Variants in FBXO4 observed in about 807,000 individuals in gnomAD.
The protein encoded by FBXO4 is F-box only protein 4.
FBXO4 carries 36 observed loss-of-function variants against 43.7 expected under a neutral mutation model. That is an observed-to-expected ratio of 0.82 (90% CI 0.63 to 1.09). FBXO4 has a LOEUF of 1.09. Among genes scored for constraint, FBXO4 ranks in the 50% least tolerant of loss-of-function variants. The pLI is 0.00. For synonymous variants in FBXO4, 180 were observed against 165.6 expected (o/e 1.09, Z -0.67); for missense variants, 435 against 474.1 (o/e 0.92, Z 0.77).
the FBXO4 span, among the ~76,000 whole-genome samples, chr5:42,027,321 A>G: frequency 8.2e-6 from 1 of 122,294 alleles, no homozygotes; most frequent in Admixed American, 8.0e-5. Flanking sequence ...AGATTTCCCA[A>G]TTAACTATGA....
the FBXO4 span, among the ~76,000 whole-genome samples, chr5:41,986,292 T>G: frequency 7.2e-5 from 11 of 151,792 alleles, no homozygotes; most frequent in African/African-American, 2.7e-4. Context: ...TTGGCCCCAT[T>G]TACCAAAAAG....
the FBXO4 span, among the ~76,000 whole-genome samples, chr5:41,952,464 A>G: frequency 6.6e-6 from 1 of 152,254 alleles, no homozygotes; most frequent in Non-Finnish European, 1.5e-5. Flanking sequence ...CTTTTTAACA[A>G]TAGTATAACC....
the FBXO4 span, among the ~76,000 whole-genome samples, chr5:42,014,936 G>GA: frequency 6.6e-6 from 1 of 151,956 alleles, no homozygotes; most frequent in Non-Finnish European, 1.5e-5. Context: ...TCATCATAAT[G>GA]AAAAATACAA....
chr5:41,933,154 A>G (rs1462796603), intron 3 of FBXO4, among the ~76,000 whole-genome samples: 1 of 152,188 alleles, frequency 6.6e-6, no homozygotes, highest in Non-Finnish European at 1.5e-5. Context: ...AACTCTGACG[A>G]ATTCTAAATT....
the FBXO4 span, among the ~76,000 whole-genome samples, chr5:42,006,916 A>ATATATATATATG: frequency 7.1e-6 from 1 of 140,908 alleles, no homozygotes; most frequent in Non-Finnish European, 1.5e-5. Context: ...ATATATATAT[A>ATATATATATATG]TGTATATACA....
the FBXO4 span, among the ~76,000 whole-genome samples, chr5:41,946,881 A>G: frequency 6.6e-6 from 1 of 152,222 alleles, no homozygotes; most frequent in Non-Finnish European, 1.5e-5. Flanking sequence ...ACAAAAGCAT[A>G]TGGCTTCTTC....
At chr5:41,997,680 A>C in the FBXO4 span, among the ~76,000 whole-genome samples, 1 of 152,106 alleles carries the variant, frequency 6.6e-6, no homozygotes, top group South Asian at 2.1e-4. Context: ...GGAGGACCAC[A>C]ATGACTTTTA....
chr5:41,997,327 G>T, the FBXO4 span, among the ~76,000 whole-genome samples: 5 of 152,152 alleles, frequency 3.3e-5, no homozygotes, highest in African/African-American at 1.2e-4. Context: ...AATGAGATGT[G>T]GTGAGAATCA....
chr5:41,995,348 T>C, the FBXO4 span, among the ~76,000 whole-genome samples: 1 of 152,196 alleles, frequency 6.6e-6, no homozygotes, highest in East Asian at 1.9e-4. Flanking sequence ...CTTTCTATGA[T>C]GGAAGAGGTC....
the FBXO4 span, among the ~76,000 whole-genome samples, chr5:41,980,119 T>A: frequency 6.6e-6 from 1 of 152,124 alleles, no homozygotes; most frequent in Non-Finnish European, 1.5e-5. Context: ...TCCAGTCTTT[T>A]TAGGGAACGA....
the FBXO4 span, among the ~76,000 whole-genome samples, chr5:42,033,797 G>A: frequency 2.0e-5 from 3 of 152,034 alleles, no homozygotes; most frequent in African/African-American, 7.2e-5. Flanking sequence ...CATTTGGGTT[G>A]GTCATGTCTT....
chr5:42,008,662 C>T, the FBXO4 span, among the ~76,000 whole-genome samples: 4 of 151,996 alleles, frequency 2.6e-5, no homozygotes, highest in Admixed American at 2.6e-4. Flanking sequence ...TCCAGAAGTG[C>T]CTTAACATGG....
chr5:41,999,096 T>C, the FBXO4 span, among the ~76,000 whole-genome samples: 1 of 151,602 alleles, frequency 6.6e-6, no homozygotes, highest in Non-Finnish European at 1.5e-5. Flanking sequence ...TCAAAGGTAT[T>C]ATATATAGAG....
the FBXO4 span, among the ~76,000 whole-genome samples, chr5:41,952,768 T>A: frequency 6.6e-6 from 1 of 152,170 alleles, no homozygotes; most frequent in African/African-American, 2.4e-5. Context: ...TCTGTTGGCC[T>A]CTTTTTGAGT....
chr5:42,006,361 T>G, the FBXO4 span, among the ~76,000 whole-genome samples: 1 of 152,090 alleles, frequency 6.6e-6, no homozygotes, highest in South Asian at 2.1e-4. Flanking sequence ...AATTAATTTC[T>G]AAAATGCTGC....
the FBXO4 span, among the ~76,000 whole-genome samples, chr5:41,953,320 A>G: frequency 1.3e-5 from 2 of 151,906 alleles, no homozygotes; most frequent in East Asian, 1.9e-4. Flanking sequence ...TACAAAGGAC[A>G]TGAACTCATC....
At chr5:42,014,978 A>G in the FBXO4 span, among the ~76,000 whole-genome samples, 1 of 152,212 alleles carries the variant, frequency 6.6e-6, no homozygotes, top group Admixed American at 6.5e-5. Context: ...TATATTAATA[A>G]AGCACTGAGG....
the FBXO4 span, among the ~76,000 whole-genome samples, chr5:42,020,165 T>C: frequency 9.4e-4 from 143 of 152,218 alleles, no homozygotes; most frequent in Middle Eastern, 3.4e-3. Context: ...CCCCCAATAT[T>C]TCAGTTTAAA....
chr5:41,949,524 T>C, the FBXO4 span, among the ~76,000 whole-genome samples: 1 of 152,152 alleles, frequency 6.6e-6, no homozygotes, highest in African/African-American at 2.4e-5. Flanking sequence ...GAAGGACCTC[T>C]TCAAGGAGAA....
Sources: allele counts gnomAD v4.1 joint callset (sites outside exome capture counted in the v4.1 genomes callset), GRCh38; gene constraint gnomAD v4.1.1; transcripts MANE v1.5; gene names NCBI Gene and HGNC (gene_info 2026-07-23, HGNC 2026-07-21).